PKD1L1: variants seen among roughly 807,000 people sequenced by gnomAD.
The protein encoded by PKD1L1 is polycystin 1 like 1, transient receptor potential channel interacting, also known as polycystin-1-like protein 1.
In PKD1L1, 236 loss-of-function variants were observed where a neutral mutation model predicts 323.4. The ratio of observed to expected loss-of-function variants is 0.73; its 90% CI spans 0.66 to 0.81. PKD1L1 has a LOEUF of 0.81. Among genes scored for constraint, PKD1L1 ranks in the 40% least tolerant of loss-of-function variants. PKD1L1 has a pLI of 0.00. For missense variants in PKD1L1, 3,320 were observed against 3,508.0 expected (o/e 0.95, Z 1.35); for synonymous variants, 1,344 against 1,335.0 (o/e 1.01, Z -0.15).
intron 9 of PKD1L1, among the ~76,000 whole-genome samples, chr7:47,907,024 T>G (rs1045657623): frequency 6.6e-6 from 1 of 152,248 alleles, no homozygotes; most frequent in African/African-American, 2.4e-5. Flanking sequence ...TTACAAGAAT[T>G]GTGCCCTTGC....
chr7:47,834,277 G>T, intron 40 of PKD1L1, 62 bp downstream of exon 40: 4 of 1,533,280 alleles, frequency 2.6e-6, no homozygotes, highest in Non-Finnish European at 3.6e-6. Context: ...GGATGCCAGA[G>T]AAATCTAATT....
the PKD1L1 span, among the ~76,000 whole-genome samples, chr7:47,957,862 A>AATATATATATATATATATATATATAT: frequency 3.0e-5 from 4 of 134,666 alleles, no homozygotes; most frequent in East Asian, 2.3e-4. Context: ...ATTAAAAAAA[A>AATATATATATATATATATATATATAT]ATATATATAT....
chr7:47,859,343 T>C (rs1168278760), intron 26 of PKD1L1, among the ~76,000 whole-genome samples: 1 of 152,242 alleles, frequency 6.6e-6, no homozygotes, highest in Non-Finnish European at 1.5e-5. Context: ...GAATCTCTTA[T>C]TGTACCCAAA....
At chr7:47,894,346 AT>A (rs1786891070) in intron 14 of PKD1L1, among the ~76,000 whole-genome samples, 1 of 152,120 alleles carries the variant, frequency 6.6e-6, no homozygotes, top group Non-Finnish European at 1.5e-5. Flanking sequence ...ATGTGTGCAC[AT>A]TTTATAGTTT....
chr7:47,848,333 A>G (rs1265677310), intron 31 of PKD1L1, among the ~76,000 whole-genome samples: 1 of 152,214 alleles, frequency 6.6e-6, no homozygotes, highest in Admixed American at 6.5e-5. Flanking sequence ...ACAATGGAGA[A>G]GCACATAGCA....
the PKD1L1 span, among the ~76,000 whole-genome samples, chr7:47,959,456 G>A: frequency 1.4e-5 from 2 of 147,150 alleles, no homozygotes; most frequent in South Asian, 2.2e-4. Context: ...GAGATGTGGG[G>A]AGCGCCTCTG....
intron 56 of PKD1L1, among the ~76,000 whole-genome samples, chr7:47,777,558 T>C (rs1447110606): frequency 2.0e-5 from 3 of 152,202 alleles, no homozygotes; most frequent in South Asian, 2.1e-4. Flanking sequence ...TTTTACATCA[T>C]TTACAGTCAA....
intron 26 of PKD1L1, among the ~76,000 whole-genome samples, chr7:47,862,480 A>G (rs1316813872): frequency 6.6e-6 from 1 of 152,158 alleles, no homozygotes. Flanking sequence ...CGTTACACCT[A>G]TGGTATTTCT....
chr7:47,808,507 G>A (rs1023549976), intron 51 of PKD1L1, 120 bp from the exon 52 acceptor site: 3 of 1,212,500 alleles, frequency 2.5e-6, no homozygotes, highest in Middle Eastern at 2.8e-4. Context: ...GATGCCTTCT[G>A]AGAAATGCAT....
At chr7:47,835,491 C>G (rs968193714) in intron 37 of PKD1L1, among the ~76,000 whole-genome samples, 2 of 152,116 alleles carry the variant, frequency 1.3e-5, no homozygotes, top group Non-Finnish European at 2.9e-5. Context: ...ACCTCCGCCT[C>G]CCGGGTTCAA....
chr7:47,940,142 C>T (rs574100593), intron 3 of PKD1L1, 51 bp downstream of exon 3: 2 of 1,611,602 alleles, frequency 1.2e-6, no homozygotes, highest in Non-Finnish European at 1.7e-6. Context: ...CTGTACTGTA[C>T]ATGTACTGTA....
At chr7:47,951,453 A>T (rs966948434), upstream of PKD1L1, among the ~76,000 whole-genome samples, 1 of 152,230 alleles carries the variant, frequency 6.6e-6, no homozygotes, top group Non-Finnish European at 1.5e-5. Context: ...TAGTTCACTT[A>T]GTCAACCCCT....
Position 47,796,005 on chromosome 7 carries a change from T to C in PKD1L1, c.8339A>G (p.Glu2780Gly). ...RLETPKLEEA[E>G]MVENHNYYLD... is the part of the protein sequence containing the mutation. ...ACAGCTTACGTGATTCTCAACCATC[T>C]CAGCCTCTTCCAACTTTGGTGTTTC... The change falls in exon 55 of 57, where the codon GAG becomes GGG. Residue 2780 changes from glutamate (E) to glycine (G), a missense_variant. Glu to Gly is a moderately conservative substitution (Grantham distance 98). Transcript: ENST00000289672. The C allele has an allele frequency of 2.5e-6, 4 of 1,613,428 alleles. No homozygotes were observed. The highest frequency in any genetic ancestry group is 3.4e-6 in the Non-Finnish European group (4 of 1,179,794).
intron 4 of PKD1L1, among the ~76,000 whole-genome samples, chr7:47,935,550 G>A (rs1787851813): frequency 6.6e-6 from 1 of 152,238 alleles, no homozygotes; most frequent in Non-Finnish European, 1.5e-5. Context: ...AAGACTCGGA[G>A]ACTGCAATGG....
At position 47,805,063 on chromosome 7, in the gene PKD1L1, A is replaced by G. The variant is rs979985421; in HGVS notation, c.7828-1719T>C. On this transcript the variant is annotated intron_variant, in intron 52 of 56. Coordinates refer to ENST00000289672, the MANE Select transcript of PKD1L1 (RefSeq NM_138295.5). ...CTAGGTGCCAAGCTGTTCCAAGGAT[A>G]TGTTTGAATGTGCCTGTACAAATAC... 3.4e-5 allele frequency among the ~76,000 whole-genome samples: 5 copies of G among 145,592 alleles called. No homozygotes were observed. The Admixed American group carries it at 3.6e-4, about 10-fold the overall frequency.
At chr7:47,803,739 T>C (rs964486805) in intron 52 of PKD1L1, among the ~76,000 whole-genome samples, 2 of 152,248 alleles carry the variant, frequency 1.3e-5, no homozygotes. Flanking sequence ...TGCATGCTTA[T>C]TTCCTTTCCC....
chr7:47,866,242 A>G (rs1786165978), intron 25 of PKD1L1, among the ~76,000 whole-genome samples, 177 bp downstream of exon 25: 1 of 152,214 alleles, frequency 6.6e-6, no homozygotes, highest in Non-Finnish European at 1.5e-5. Context: ...TGTGATACAT[A>G]TGAGCTGAAT....
At chr7:47,897,737 C>T (rs1263385570) in intron 14 of PKD1L1, among the ~76,000 whole-genome samples, 3 of 152,198 alleles carry the variant, frequency 2.0e-5, no homozygotes, top group Non-Finnish European at 4.4e-5. Context: ...ATTAGGTACA[C>T]AGGAAGGTTT....
intron 24 of PKD1L1, among the ~76,000 whole-genome samples, chr7:47,871,801 G>A (rs1786286775): frequency 6.6e-6 from 1 of 152,146 alleles, no homozygotes; most frequent in Non-Finnish European, 1.5e-5. Context: ...GTCTGTGAAC[G>A]ACCTCTAGCT....
Sources: allele counts gnomAD v4.1 joint callset (sites outside exome capture counted in the v4.1 genomes callset), GRCh38; gene constraint gnomAD v4.1.1; transcripts MANE v1.5; gene names NCBI Gene and HGNC (gene_info 2026-07-23, HGNC 2026-07-21).